DLG2: variants seen among roughly 807,000 people sequenced by gnomAD.
The protein encoded by DLG2 is disks large homolog 2.
A neutral mutation model predicts 132.5 loss-of-function variants in DLG2; 45 were observed. The ratio of observed to expected loss-of-function variants is 0.34; its 90% CI spans 0.27 to 0.44. The LOEUF is 0.44. DLG2 is among the 20% of genes least tolerant of loss of function. The probability of loss-of-function intolerance (pLI) is 1.00; values close to 1 mark genes in which losing one functional copy is unlikely to be tolerated. For synonymous variants in DLG2, 424 were observed against 419.6 expected (o/e 1.01, Z -0.13); for missense variants, 1,045 against 1,196.9 (o/e 0.87, Z 1.87).
chr11:83,942,258 G>C (rs2082825923), intron 14 of DLG2, among the ~76,000 whole-genome samples: 1 of 152,018 alleles, frequency 6.6e-6, no homozygotes, highest in African/African-American at 2.4e-5. Flanking sequence ...TTTAATGTAG[G>C]CATTAAAAAC....
intron 3 of DLG2, among the ~76,000 whole-genome samples, chr11:85,439,983 A>C (rs1480944361): frequency 4.6e-5 from 7 of 152,222 alleles, no homozygotes; most frequent in African/African-American, 1.7e-4. Context: ...CTAGGCTCTG[A>C]AATCAGACTG....
At chr11:83,472,281 C>G (rs1277953177) in intron 23 of DLG2, among the ~76,000 whole-genome samples, 3 of 152,084 alleles carry the variant, frequency 2.0e-5, no homozygotes, top group Non-Finnish European at 4.4e-5. Flanking sequence ...CTGCAGTATC[C>G]TTGTCAGTAG....
intron 7 of DLG2, among the ~76,000 whole-genome samples, chr11:84,426,022 T>C (rs1321230835): frequency 2.0e-5 from 3 of 152,106 alleles, no homozygotes; most frequent in Non-Finnish European, 2.9e-5. Flanking sequence ...ACATCAATTA[T>C]ATAACTGAAA....
chr11:83,673,497 A>C (rs1226460655), intron 18 of DLG2, among the ~76,000 whole-genome samples: 2 of 152,222 alleles, frequency 1.3e-5, no homozygotes, highest in Non-Finnish European at 2.9e-5. Flanking sequence ...TGAAGCAAGC[A>C]AGACAATAAT....
intron 6 of DLG2, among the ~76,000 whole-genome samples, chr11:84,738,024 G>C (rs2064088860): frequency 6.6e-6 from 1 of 151,942 alleles, no homozygotes; most frequent in African/African-American, 2.4e-5. Context: ...CAGTGCTTTT[G>C]GTAACTCTAA....
chr11:83,724,775 C>G (rs959060421), intron 18 of DLG2: 2 of 689,768 alleles, frequency 2.9e-6, no homozygotes, highest in African/African-American at 1.8e-5. Flanking sequence ...ATCTGCTGCC[C>G]TCTTTTCATT....
intron 18 of DLG2, among the ~76,000 whole-genome samples, chr11:83,671,003 C>A (rs886482794): frequency 6.6e-6 from 1 of 152,092 alleles, no homozygotes; most frequent in African/African-American, 2.4e-5. Context: ...TCTGTGTACA[C>A]GTACATTTCT....
intron 7 of DLG2, among the ~76,000 whole-genome samples, chr11:84,523,571 T>C (rs989330622): frequency 2.6e-5 from 4 of 152,216 alleles, no homozygotes; most frequent in African/African-American, 9.6e-5. Context: ...AAGGTTACAA[T>C]TCCAGACTGT....
At chr11:84,771,858 A>T (rs1167977271) in intron 6 of DLG2, among the ~76,000 whole-genome samples, 1 of 149,130 alleles carries the variant, frequency 6.7e-6, no homozygotes, top group Non-Finnish European at 1.5e-5. Flanking sequence ...AAGTTGGGTT[A>T]AAAAAAAAGA....
chr11:84,364,495 C>G (rs1463526644), intron 7 of DLG2, among the ~76,000 whole-genome samples: 2 of 152,106 alleles, frequency 1.3e-5, no homozygotes, highest in Middle Eastern at 3.2e-3. Context: ...AACTGAATAC[C>G]CTTTATTTCC....
intron 6 of DLG2, among the ~76,000 whole-genome samples, chr11:84,599,379 G>A (rs2099570632): frequency 6.6e-6 from 1 of 152,138 alleles, no homozygotes; most frequent in South Asian, 2.1e-4. Flanking sequence ...TGCTTTCACA[G>A]TACAGACCCA....
chr11:84,874,742 C>T (rs536444315), intron 6 of DLG2, among the ~76,000 whole-genome samples: 9 of 152,088 alleles, frequency 5.9e-5, no homozygotes, highest in South Asian at 2.1e-4. Flanking sequence ...AGATTTAGGC[C>T]GAGCACTGTG....
At chr11:83,916,090 T>G (rs1228064203) in intron 15 of DLG2, among the ~76,000 whole-genome samples, 1 of 152,184 alleles carries the variant, frequency 6.6e-6, no homozygotes. Context: ...TTTTTCTGGT[T>G]AAATAATATT....
intron 7 of DLG2, among the ~76,000 whole-genome samples, chr11:84,534,204 A>G (rs2099350073): frequency 1.3e-5 from 2 of 152,172 alleles, no homozygotes; most frequent in African/African-American, 4.8e-5. Flanking sequence ...ATCATGTTAT[A>G]TTTGTTCCCT....
intron 6 of DLG2, among the ~76,000 whole-genome samples, chr11:84,799,030 C>T (rs774785679): frequency 1.5e-4 from 23 of 152,270 alleles, no homozygotes; most frequent in Middle Eastern, 3.4e-3. Context: ...TGCCTGGAGG[C>T]GAGGATGGCA....
intron 3 of DLG2, among the ~76,000 whole-genome samples, chr11:85,568,862 G>C (rs184846520): frequency 3.3e-5 from 5 of 151,568 alleles, no homozygotes; most frequent in African/African-American, 1.2e-4. Flanking sequence ...AACTGGTTTC[G>C]GTTTCATTGA....
intron 8 of DLG2, among the ~76,000 whole-genome samples, chr11:84,231,128 T>C (rs11233957): frequency 0.032 from 4,937 of 152,238 alleles, 108 homozygotes; most frequent in Non-Finnish European, 0.056. Context: ...GAAGTGTCCT[T>C]AAAGGTGAAG....
rs146141609 is a variant in DLG2, at chr11:84,156,099, G to A, written c.624+7362C>T. Among the ~76,000 whole-genome samples, 8 of 152,224 alleles carry A rather than the reference G, an allele frequency of 5.3e-5. No homozygotes were observed. In the East Asian group the frequency reaches 1.5e-3, roughly 29 times the overall value. ...GGAACGATAGAAGAATATATGTGGT[G>A]TTTTGCAGGACAGGAAAATACAAAA... On this transcript the variant is annotated intron_variant, in intron 9 of 27. Transcript: ENST00000376104.
At chr11:84,951,394 T>C (rs1189450402) in intron 6 of DLG2, among the ~76,000 whole-genome samples, 1 of 152,174 alleles carries the variant, frequency 6.6e-6, no homozygotes, top group Admixed American at 6.5e-5. Flanking sequence ...AACTACTTTA[T>C]AGTGCTTTGT....
Sources: allele counts gnomAD v4.1 joint callset (sites outside exome capture counted in the v4.1 genomes callset), GRCh38; gene constraint gnomAD v4.1.1; transcripts MANE v1.5; gene names NCBI Gene and HGNC (gene_info 2026-07-23, HGNC 2026-07-21).